LRRC7: variants seen among roughly 807,000 people sequenced by gnomAD.
The protein encoded by LRRC7 is leucine rich repeat containing 7.
A neutral mutation model predicts 175.7 loss-of-function variants in LRRC7; 23 were observed. The ratio of observed to expected loss-of-function variants is 0.13; its 90% CI spans 0.09 to 0.19. The LOEUF (loss-of-function observed/expected upper bound fraction) is 0.19, where lower values mean the gene tolerates loss of function less well. Ranked by LOEUF, LRRC7 falls within the 10% of genes least tolerant of loss-of-function variation. The pLI is 1.00. For missense variants in LRRC7, 1,354 were observed against 1,904.7 expected (o/e 0.71, Z 5.38); for synonymous variants, 685 against 680.9 (o/e 1.01, Z -0.09).
At chr1:69,925,777 G>C (rs561411101) in intron 7 of LRRC7, among the ~76,000 whole-genome samples, 1 of 151,140 alleles carries the variant, frequency 6.6e-6, no homozygotes, top group Middle Eastern at 3.2e-3. Flanking sequence ...TTTTTTGAAG[G>C]GTTTTTTTGT....
At chr1:70,086,633 C>T (rs768965282) in intron 24 of LRRC7, among the ~76,000 whole-genome samples, 1 of 151,988 alleles carries the variant, frequency 6.6e-6, no homozygotes, top group Non-Finnish European at 1.5e-5. Flanking sequence ...TGACATGTGC[C>T]TGTAGTCCCA....
intron 1 of LRRC7, among the ~76,000 whole-genome samples, chr1:69,649,009 C>G (rs1208930399): frequency 3.3e-5 from 5 of 152,160 alleles, no homozygotes; most frequent in Non-Finnish European, 7.3e-5. Context: ...TGTGCTGACA[C>G]AGAATTAAAG....
chr1:69,679,080 T>C (rs897132698), intron 2 of LRRC7, among the ~76,000 whole-genome samples: 2 of 152,122 alleles, frequency 1.3e-5, no homozygotes, highest in African/African-American at 4.8e-5. Context: ...GAATATGCCA[T>C]TGGCTGTAGG....
chr1:69,835,479 T>G (rs1680999763), intron 6 of LRRC7, among the ~76,000 whole-genome samples: 1 of 151,868 alleles, frequency 6.6e-6, no homozygotes, highest in South Asian at 2.1e-4. Flanking sequence ...TCACAAATAA[T>G]AAACATAATA....
chr1:69,740,845 TG>T (rs1236477553), intron 2 of LRRC7, among the ~76,000 whole-genome samples: 1 of 152,064 alleles, frequency 6.6e-6, no homozygotes, highest in Non-Finnish European at 1.5e-5. Flanking sequence ...ACAGTCACAG[TG>T]GGAGTTAGGC....
chr1:69,786,611 G>C (rs1674468165), intron 3 of LRRC7, among the ~76,000 whole-genome samples: 1 of 152,112 alleles, frequency 6.6e-6, no homozygotes, highest in Non-Finnish European at 1.5e-5. Flanking sequence ...ATGATGGAAG[G>C]TAAAAGGCAC....
intron 1 of LRRC7, among the ~76,000 whole-genome samples, chr1:69,605,878 A>G (rs1007363449): frequency 6.6e-5 from 10 of 152,120 alleles, no homozygotes; most frequent in Non-Finnish European, 1.3e-4. Flanking sequence ...TTAGGACTCA[A>G]TGAGAGTTAT....
intron 1 of LRRC7, among the ~76,000 whole-genome samples, chr1:69,626,143 G>GCA (rs1429854038): frequency 3.6e-4 from 55 of 152,142 alleles, no homozygotes; most frequent in African/African-American, 1.3e-3. Context: ...GTCCATCTTG[G>GCA]GACCCGTTAA....
intron 4 of LRRC7, among the ~76,000 whole-genome samples, chr1:69,792,652 G>A (rs1467354955): frequency 6.6e-6 from 1 of 152,008 alleles, no homozygotes; most frequent in South Asian, 2.1e-4. Flanking sequence ...AACTGAGAAT[G>A]TAAACTCCAA....
intron 1 of LRRC7, among the ~76,000 whole-genome samples, chr1:69,640,516 A>G (rs1006960017): frequency 6.6e-6 from 1 of 151,388 alleles, no homozygotes; most frequent in African/African-American, 2.4e-5. Flanking sequence ...AGAGAACACA[A>G]GGGTGTTTCT....
intron 25 of LRRC7, among the ~76,000 whole-genome samples, chr1:70,100,577 A>G (rs1306594313): frequency 2.6e-5 from 4 of 152,174 alleles, no homozygotes; most frequent in African/African-American, 4.8e-5. Context: ...CCGTTGTAAT[A>G]TTTACTTTTT....
intron 18 of LRRC7, among the ~76,000 whole-genome samples, chr1:70,035,625 C>CCAAA (rs1553193552): frequency 5.6e-5 from 4 of 71,844 alleles, no homozygotes; most frequent in African/African-American, 1.8e-4. Flanking sequence ...TAGGGATGCA[C>CCAAA]AAAAAAAAAA....
At chr1:69,715,012 AC>A (rs1269268661) in intron 2 of LRRC7, among the ~76,000 whole-genome samples, 1 of 152,110 alleles carries the variant, frequency 6.6e-6, no homozygotes, top group Non-Finnish European at 1.5e-5. Flanking sequence ...ATATATTGTC[AC>A]CCTAGCTTTT....
intron 26 of LRRC7, among the ~76,000 whole-genome samples, chr1:70,110,822 GAATGGCTAATTCTAAAATGA>G (rs1553206237): frequency 6.6e-6 from 1 of 152,138 alleles, no homozygotes; most frequent in Non-Finnish European, 1.5e-5. Context: ...AAAGAAACGA[GAATGGCTAATTCTAAAATGA>G]AATTGTTTGC....
chr1:69,582,559 T>C (rs1646242213), intron 1 of LRRC7, among the ~76,000 whole-genome samples: 1 of 152,218 alleles, frequency 6.6e-6, no homozygotes, highest in Admixed American at 6.5e-5. Flanking sequence ...ACAAGTCACA[T>C]AACCAAGCCT....
chr1:69,843,384 T>C (rs1407822147), intron 7 of LRRC7, among the ~76,000 whole-genome samples: 1 of 152,130 alleles, frequency 6.6e-6, no homozygotes, highest in Non-Finnish European at 1.5e-5. Flanking sequence ...GGGTTGTTAA[T>C]AGGATTAGAT....
At chr1:69,892,466 A>G (rs780918024) in intron 7 of LRRC7, among the ~76,000 whole-genome samples, 5 of 152,342 alleles carry the variant, frequency 3.3e-5, no homozygotes, top group Middle Eastern at 6.8e-3. Flanking sequence ...CCAATGATGT[A>G]TTTAAATATG....
In LRRC7 at chr1:69,801,842, G is replaced by A. The variant is rs1232808152; in HGVS notation, c.421+9682G>A. On this transcript the variant is annotated intron_variant, in intron 4 of 26. Coordinates refer to ENST00000651989, the MANE Select transcript of LRRC7 (RefSeq NM_001370785.2). ...CTTTCTATTTTTTTTTTTAATGTAAGCATTTAATACTATAAACTTCCCTCC... is the reference window on the plus strand; with the variant it reads ...CTTTCTATTTTTTTTTTTAATGTAAACATTTAATACTATAAACTTCCCTCC... Among the ~76,000 whole-genome samples, 3 of 149,000 alleles carry A rather than the reference G, an allele frequency of 2.0e-5. No homozygotes were observed. In the East Asian group the frequency reaches 6.0e-4, roughly 30 times the overall value.
At chr1:69,876,580 A>G (rs1290676512) in intron 7 of LRRC7, among the ~76,000 whole-genome samples, 1 of 152,176 alleles carries the variant, frequency 6.6e-6, no homozygotes, top group Non-Finnish European at 1.5e-5. Context: ...TGAGGTAAAA[A>G]TCTTTTATTA....
Sources: gnomAD v4.1 joint callset for allele counts (sites outside exome capture counted in the v4.1 genomes callset) on GRCh38, gnomAD v4.1.1 for gene constraint, MANE v1.5 for transcripts, NCBI Gene and HGNC (gene_info 2026-07-23, HGNC 2026-07-21) for gene names.